The following ODR4 variants were observed in gnomAD, a reference collection of about 807,000 sequenced individuals.
The protein encoded by ODR4 is protein odr-4 homolog.
Under a neutral mutation model 60.2 loss-of-function variants are expected in ODR4, and 47 were observed. The observed-to-expected ratio is 0.78, with a 90% confidence interval of 0.62 to 1.00. The LOEUF (loss-of-function observed/expected upper bound fraction) is 1.00, where lower values mean the gene tolerates loss of function less well. ODR4 is among the 50% of genes least tolerant of loss of function. The probability of loss-of-function intolerance (pLI) is 0.00; values close to 1 mark genes in which losing one functional copy is unlikely to be tolerated. For synonymous variants in ODR4, 178 were observed against 175.5 expected (o/e 1.01, Z -0.11); for missense variants, 488 against 530.8 (o/e 0.92, Z 0.79).
At chr1:186,395,520 C>T (rs142245603) in intron 9 of ODR4, among the ~76,000 whole-genome samples, 7 of 152,198 alleles carry the variant, frequency 4.6e-5, no homozygotes, top group African/African-American at 1.7e-4. Context: ...CACTTTTCTC[C>T]CAGTTAAGTC....
At chr1:186,424,261 A>G (rs576377699), downstream of ODR4, among the ~76,000 whole-genome samples, 6 of 152,358 alleles carry the variant, frequency 3.9e-5, no homozygotes, top group East Asian at 1.2e-3. Context: ...TGATAAAGCA[A>G]GTCTCAGAAG....
chr1:186,380,761 T>C (rs1055110676), intron 2 of ODR4, among the ~76,000 whole-genome samples: 2 of 152,164 alleles, frequency 1.3e-5, no homozygotes, highest in Non-Finnish European at 2.9e-5. Context: ...TAATTAACTT[T>C]CCTTATTCTG....
chr1:186,422,217 AATT>A (rs1196020474), downstream of ODR4, among the ~76,000 whole-genome samples: 17 of 152,262 alleles, frequency 1.1e-4, no homozygotes, highest in East Asian at 3.3e-3. Flanking sequence ...AAATCACAAT[AATT>A]AGATTTATGA....
rs1421494858 is a variant in ODR4 at position 186,421,321 on chromosome 1, T to C, written c.*2245T>C. 18 of 152,244 alleles carry C rather than the reference T, an allele frequency of 1.2e-4. No individual in the cohort carries two copies. The highest frequency in any genetic ancestry group is 1.5e-5 in the Non-Finnish European group (1 of 68,040). 9.4% of individuals were successfully genotyped at this position (152,244 alleles called of 1,614,324 possible). On this transcript the variant is annotated 3_prime_UTR_variant, in exon 14 of 14. Coordinates refer to ENST00000287859, the MANE Select transcript of ODR4 (RefSeq NM_017847.6). ...TATAAAACAATTATAATGAAGTGTTTATAAGAAATTGTAAACAAATGTAAA... is the reference window on the plus strand; with the variant it reads ...TATAAAACAATTATAATGAAGTGTTCATAAGAAATTGTAAACAAATGTAAA...
chr1:186,380,386 T>C (rs1659977604), intron 2 of ODR4, among the ~76,000 whole-genome samples: 1 of 152,062 alleles, frequency 6.6e-6, no homozygotes, highest in Admixed American at 6.5e-5. Flanking sequence ...GTTGGATCAA[T>C]AGGGAGGGAG....
At chr1:186,421,857 A>C (rs1361455457), downstream of ODR4, among the ~76,000 whole-genome samples, 1 of 113,210 alleles carries the variant, frequency 8.8e-6, no homozygotes, top group South Asian at 2.9e-4. Flanking sequence ...GTGAGACTCT[A>C]TCTCAAAAAA....
At chr1:186,383,988 A>C (rs1314901471) in intron 3 of ODR4, among the ~76,000 whole-genome samples, 1 of 152,178 alleles carries the variant, frequency 6.6e-6, no homozygotes, top group Non-Finnish European at 1.5e-5. Flanking sequence ...GCAATGAGCC[A>C]AGATCACACC....
intron 11 of ODR4, among the ~76,000 whole-genome samples, chr1:186,404,727 A>G (rs140729173): frequency 6.6e-6 from 1 of 152,294 alleles, no homozygotes; most frequent in Admixed American, 6.5e-5. Context: ...AGTTTAAGCC[A>G]TTGCATTTCC....
intron 12 of ODR4, among the ~76,000 whole-genome samples, chr1:186,411,296 C>T (rs985939516): frequency 6.6e-6 from 1 of 152,066 alleles, no homozygotes; most frequent in Non-Finnish European, 1.5e-5. Flanking sequence ...GAATACTCAA[C>T]CTGTACTACT....
Position 186,398,964 on chromosome 1 carries a change from G to A in ODR4, c.920G>A (p.Arg307Lys). 6.2e-7 allele frequency: 1 copy of A among 1,610,626 alleles called. No individual in the cohort carries two copies. The highest frequency in any genetic ancestry group is 8.5e-7 in the Non-Finnish European group (1 of 1,178,148). Residue 307 changes from arginine to lysine, a missense_variant, in exon 11 of 14, where the codon AGG (arginine) becomes AAG (lysine). By Grantham distance (26) the Arg-to-Lys change is conservative (BLOSUM62 2). Transcript: ENST00000287859. ...TGTTTTTCCCTGTAGGCAGTAAAGA[G>A]GGATATATTGAACACAGTTGCTGAT... is the stretch of plus-strand genomic sequence containing the variant. ...KVKDAVQAVK[R>K]DILNTVADRC...
At chr1:186,389,656 T>A (rs193063732) in intron 6 of ODR4, 32 bp downstream of exon 6, 5 of 1,396,772 alleles carry the variant, frequency 3.6e-6, no homozygotes, top group Admixed American at 2.5e-5. Flanking sequence ...GATTTTTCTG[T>A]GTCACAAAGT....
chr1:186,432,909 C>G, the ODR4 span, among the ~76,000 whole-genome samples: 2 of 151,892 alleles, frequency 1.3e-5, no homozygotes, highest in Admixed American at 1.3e-4. Context: ...CCTCAGCCTC[C>G]TGAGTAGCTG....
intron 12 of ODR4, among the ~76,000 whole-genome samples, chr1:186,416,197 A>G (rs1661558515): frequency 6.6e-6 from 1 of 152,174 alleles, no homozygotes; most frequent in Non-Finnish European, 1.5e-5. Flanking sequence ...TTTTATTATT[A>G]ATATCTAATT....
intron 2 of ODR4, among the ~76,000 whole-genome samples, chr1:186,381,674 C>T (rs563592289): frequency 6.6e-6 from 1 of 152,326 alleles, no homozygotes; most frequent in East Asian, 1.9e-4. Context: ...GTATTGCTCA[C>T]GGACAGAGCA....
chr1:186,384,611 T>C (rs1365394803), intron 3 of ODR4, among the ~76,000 whole-genome samples: 1 of 124,408 alleles, frequency 8.0e-6, no homozygotes, highest in Non-Finnish European at 1.7e-5. Context: ...ACACAGAATA[T>C]TAATGAATTT....
chr1:186,412,841 A>G (rs982936696), intron 12 of ODR4, among the ~76,000 whole-genome samples: 8 of 152,146 alleles, frequency 5.3e-5, no homozygotes, highest in African/African-American at 1.7e-4. Context: ...AAAGAGATAT[A>G]TAAATGGAGG....
chr1:186,427,454 G>T, the ODR4 span, among the ~76,000 whole-genome samples: 2 of 152,026 alleles, frequency 1.3e-5, no homozygotes, highest in Non-Finnish European at 2.9e-5. Flanking sequence ...TCATGATATC[G>T]CACCAATTTA....
chr1:186,428,822 A>G, the ODR4 span, among the ~76,000 whole-genome samples: 6 of 152,116 alleles, frequency 3.9e-5, no homozygotes, highest in African/African-American at 1.4e-4. Context: ...GAAATGACTG[A>G]TTGGTTGAGT....
chr1:186,412,832 AAG>A (rs943224563), intron 12 of ODR4, among the ~76,000 whole-genome samples: 29 of 137,952 alleles, frequency 2.1e-4, no homozygotes, highest in African/African-American at 6.4e-4. Context: ...TCTAAACAGA[AAG>A]AGATATATAA....
Sources: gnomAD v4.1 joint callset for allele counts (sites outside exome capture counted in the v4.1 genomes callset) on GRCh38, gnomAD v4.1.1 for gene constraint, MANE v1.5 for transcripts, NCBI Gene and HGNC (gene_info 2026-07-23, HGNC 2026-07-21) for gene names.